GRIK2: variants seen among roughly 807,000 people sequenced by gnomAD.
The protein encoded by GRIK2 is glutamate receptor ionotropic, kainate 2.
Under a neutral mutation model 100.3 loss-of-function variants are expected in GRIK2, and 32 were observed. The ratio of observed to expected loss-of-function variants is 0.32; its 90% CI spans 0.24 to 0.43. The LOEUF (loss-of-function observed/expected upper bound fraction) is 0.43. GRIK2 is among the 20% of genes least tolerant of loss of function. GRIK2 has a pLI of 1.00. For missense variants in GRIK2, 843 were observed against 1,114.9 expected, an observed-to-expected ratio of 0.76 and a Z score of 3.47; for synonymous variants, 417 against 389.4, an observed-to-expected ratio of 1.07 and a Z score of -0.83.
At chr6:101,571,803 A>T (rs968566177) in intron 2 of GRIK2, among the ~76,000 whole-genome samples, 2 of 152,158 alleles carry the variant, frequency 1.3e-5, no homozygotes, top group Non-Finnish European at 2.9e-5. Context: ...GGAATAATTA[A>T]TAATATAAAA....
intron 4 of GRIK2, among the ~76,000 whole-genome samples, chr6:101,630,052 T>C (rs111270687): frequency 7.9e-5 from 12 of 152,294 alleles, no homozygotes; most frequent in African/African-American, 2.9e-4. Flanking sequence ...ATTTTGTTCT[T>C]TTATATGGCT....
At chr6:101,754,180 T>C (rs1452748698) in intron 7 of GRIK2, among the ~76,000 whole-genome samples, 1 of 152,184 alleles carries the variant, frequency 6.6e-6, no homozygotes, top group African/African-American at 2.4e-5. Flanking sequence ...TCTTTTATTA[T>C]GTATTTTCAG....
chr6:101,453,593 T>C (rs1239040714), intron 2 of GRIK2, among the ~76,000 whole-genome samples: 1 of 152,048 alleles, frequency 6.6e-6, no homozygotes, highest in East Asian at 1.9e-4. Context: ...TAACCTAGTT[T>C]AATAAGGAAA....
intron 5 of GRIK2, among the ~76,000 whole-genome samples, chr6:101,677,158 G>A (rs1485939638): frequency 6.6e-6 from 1 of 152,086 alleles, no homozygotes; most frequent in Non-Finnish European, 1.5e-5. Context: ...CAATCAGCCA[G>A]TAGGAAAAAG....
intron 10 of GRIK2, among the ~76,000 whole-genome samples, chr6:101,823,220 T>G (rs1782073094): frequency 6.6e-6 from 1 of 152,170 alleles, no homozygotes. Flanking sequence ...ATTTTTTCTC[T>G]TAAGAATTGC....
chr6:101,603,715 TTGAG>T (rs1269708249), intron 2 of GRIK2, among the ~76,000 whole-genome samples: 9 of 151,556 alleles, frequency 5.9e-5, no homozygotes, highest in African/African-American at 1.9e-4. Flanking sequence ...TATTCTCTGT[TTGAG>T]TGATGAAAGG....
chr6:101,739,520 T>C (rs1775892709), intron 7 of GRIK2, among the ~76,000 whole-genome samples: 1 of 152,306 alleles, frequency 6.6e-6, no homozygotes, highest in African/African-American at 2.4e-5. Context: ...GGCAAAGTAC[T>C]TCACCTCTGG....
intron 7 of GRIK2, among the ~76,000 whole-genome samples, chr6:101,710,190 A>G (rs1382853999): frequency 6.6e-6 from 1 of 151,822 alleles, no homozygotes; most frequent in African/African-American, 2.4e-5. Context: ...TTCAAATAGA[A>G]TGCATTGTAA....
In GRIK2 at chr6:101,670,962, T is replaced by A. The variant is rs147496376; in HGVS notation, c.542-5661T>A. Among the ~76,000 whole-genome samples, 251 of 152,318 alleles carry A rather than the reference T, an allele frequency of 1.6e-3. 1 individual carries two copies. The highest frequency in any genetic ancestry group is 2.7e-3 in the Non-Finnish European group (186 of 68,026). ...CCACACGGATTGTAAAATTTTGAAC[T>A]GAGATTCAAACCCAACACCCCAGCT... On this transcript the variant is annotated intron_variant, in intron 4 of 16. Coordinates refer to ENST00000369134, the MANE Select transcript of GRIK2 (RefSeq NM_021956.5).
intron 2 of GRIK2, among the ~76,000 whole-genome samples, chr6:101,598,810 T>G (rs1200222496): frequency 6.6e-6 from 1 of 151,600 alleles, no homozygotes; most frequent in Non-Finnish European, 1.5e-5. Flanking sequence ...TGTCCTCATT[T>G]TGGTCAGTTA....
intron 2 of GRIK2, among the ~76,000 whole-genome samples, chr6:101,518,278 G>T (rs146483961): frequency 1.3e-5 from 2 of 152,212 alleles, no homozygotes; most frequent in East Asian, 1.9e-4. Context: ...TGACACTTCG[G>T]TGTGTGATAA....
At position 101,802,433 on chromosome 6, in the gene GRIK2, GA is replaced by G; in HGVS notation, c.1202del (p.Lys401ArgfsTer11). 2 of 1,456,696 alleles carry G rather than the reference GA, an allele frequency of 1.4e-6. No homozygotes were observed. The highest frequency in any genetic ancestry group is 1.9e-6 in the Non-Finnish European group (2 of 1,060,034). 90.2% of individuals were successfully genotyped at this position (1,456,696 alleles called of 1,614,324 possible). A position where few individuals can be genotyped will look rare whatever the true frequency, so the allele number is the denominator to read the frequency against. Reference protein sequence around the residue: ...DVISLKEEGLEKIGTWDPASG... With the variant: ...DVISLKEEGLXKIGTWDPASG... ...GATCAGTCTGAAGGAAGAAGGTCTAGAAAAGGTATTTCAGTGAGCTTATTTG... is the reference window on the plus strand; with the variant it reads ...GATCAGTCTGAAGGAAGAAGGTCTAGAAAGGTATTTCAGTGAGCTTATTTG... On this transcript the variant is annotated frameshift_variant, in exon 9 of 17. Coordinates refer to ENST00000369134, the MANE Select transcript of GRIK2 (RefSeq NM_021956.5). LOFTEE classifies it high-confidence loss of function.
intron 14 of GRIK2, among the ~76,000 whole-genome samples, chr6:101,951,904 T>A (rs1791626046): frequency 6.6e-6 from 1 of 152,158 alleles, no homozygotes; most frequent in East Asian, 1.9e-4. Context: ...GCATGAGAAG[T>A]AACTAATACA....
rs1169877147 is a variant in GRIK2 at position 101,938,190 on chromosome 6, T to C, written c.2085+9558T>C. ...CTATTATTTGCTGCTACTGCCATCT[T>C]CAATATTAGACTCTTATTTAAAGAT... On this transcript the variant is annotated intron_variant, in intron 14 of 16. Coordinates refer to ENST00000369134, the MANE Select transcript of GRIK2 (RefSeq NM_021956.5). Among the ~76,000 whole-genome samples the C allele has an allele frequency of 2.0e-5, 3 of 152,082 alleles. No individual in the cohort carries two copies. The East Asian group carries it at 5.8e-4, about 29-fold the overall frequency.
At chr6:101,606,932 C>T (rs781670278) in intron 2 of GRIK2, among the ~76,000 whole-genome samples, 10 of 151,886 alleles carry the variant, frequency 6.6e-5, no homozygotes, top group African/African-American at 1.2e-4. Context: ...CTTTGTGCCA[C>T]GCTTTCTGTG....
At position 101,791,630 on chromosome 6, in the gene GRIK2, A is replaced by G. The variant is rs573129502; in HGVS notation, c.952-8018A>G. Among the ~76,000 whole-genome samples, 250 of 152,110 alleles carry G rather than the reference A, an allele frequency of 1.6e-3. 1 individual carries two copies. The highest frequency in any genetic ancestry group is 5.9e-3 in the African/African-American group (243 of 41,486). ...GCTGAGGAGAGCTTTACTTCCCAGTATGTGGTCAATTTTGGAATAGGTGTG... is the reference window on the plus strand; with the variant it reads ...GCTGAGGAGAGCTTTACTTCCCAGTGTGTGGTCAATTTTGGAATAGGTGTG... On this transcript the variant is annotated intron_variant, in intron 7 of 16. Coordinates refer to ENST00000369134, the MANE Select transcript of GRIK2 (RefSeq NM_021956.5).
chr6:101,636,338 T>C (rs1374218590), intron 4 of GRIK2, among the ~76,000 whole-genome samples: 1 of 151,852 alleles, frequency 6.6e-6, no homozygotes, highest in East Asian at 1.9e-4. Flanking sequence ...CATCACACAC[T>C]GGGGCCTGTC....
At chr6:101,505,847 G>A (rs1773997839) in intron 2 of GRIK2, among the ~76,000 whole-genome samples, 1 of 151,202 alleles carries the variant, frequency 6.6e-6, no homozygotes, top group African/African-American at 2.4e-5. Context: ...AAAAGTAGTG[G>A]CGATCTCTAA....
intron 4 of GRIK2, among the ~76,000 whole-genome samples, chr6:101,644,309 A>T (rs1461281781): frequency 6.6e-6 from 1 of 151,760 alleles, no homozygotes; most frequent in Non-Finnish European, 1.5e-5. Context: ...TAATGTTAAG[A>T]GTAGGTAAGA....
Sources: gnomAD v4.1 joint callset for allele counts (sites outside exome capture counted in the v4.1 genomes callset) on GRCh38, gnomAD v4.1.1 for gene constraint, MANE v1.5 for transcripts, NCBI Gene and HGNC (gene_info 2026-07-23, HGNC 2026-07-21) for gene names.